The following ABLIM1 variants were observed in gnomAD, a reference collection of about 807,000 sequenced individuals.
ABLIM1 encodes actin-binding LIM protein 1.
In ABLIM1, 40 loss-of-function variants were observed where a neutral mutation model predicts 107.0. That is an observed-to-expected ratio of 0.37 (90% confidence interval 0.29 to 0.49). ABLIM1 has a LOEUF of 0.49. ABLIM1 is among the 20% of genes least tolerant of loss of function. ABLIM1 has a pLI of 0.97. For missense variants in ABLIM1, 857 were observed against 1,008.5 expected (o/e 0.85, Z 2.04); for synonymous variants, 357 against 357.3 (o/e 1.00, Z 0.01).
intron 1 of ABLIM1, among the ~76,000 whole-genome samples, chr10:114,735,380 T>A (rs67774070): frequency 0.15 from 22,256 of 152,160 alleles, 2,057 homozygotes; most frequent in East Asian, 0.45. Flanking sequence ...AATAAAAAAA[T>A]TCTAATTTCT....
intron 1 of ABLIM1, among the ~76,000 whole-genome samples, chr10:114,652,011 G>A (rs1252495890): frequency 6.6e-6 from 1 of 152,296 alleles, no homozygotes; most frequent in East Asian, 1.9e-4. Flanking sequence ...GGGTCTGAGG[G>A]CAGGAACCAC....
At chr10:114,777,587 G>A in the ABLIM1 span, among the ~76,000 whole-genome samples, 1 of 152,166 alleles carries the variant, frequency 6.6e-6, no homozygotes, top group Non-Finnish European at 1.5e-5. Context: ...TGTCTCTTAA[G>A]TACCATGAAA....
chr10:114,755,346 A>G (rs1255432978), intron 1 of ABLIM1, among the ~76,000 whole-genome samples: 1 of 152,238 alleles, frequency 6.6e-6, no homozygotes, highest in Non-Finnish European at 1.5e-5. Flanking sequence ...CCACGAAACC[A>G]GTCCCTGGTG....
rs1212384448 is a variant in ABLIM1 at position 114,445,344 on chromosome 10, G to A, written c.1795C>T (p.Arg599Cys). The change falls in exon 16 of 23, where the codon CGT (arginine) becomes TGT (cysteine). Residue 599 changes from arginine (R) to cysteine (C), a missense_variant. Physicochemically the swap from Arg to Cys is radical, Grantham distance 180. Around this residue, in one of 5 missense-constraint regions of ABLIM1, gnomAD observed 103 missense variants for 101.0 expected, o/e 1.02. Coordinates refer to ENST00000533213, the MANE Select transcript of ABLIM1 (RefSeq NM_002313.7). ...REEDDEELLR[R>C]RQLQEEQLMK... ...AATTGCTCTTCTTGAAGCTGCCGAC[G>A]TCTCAGAAGTTCCTCATCATCTTCC... 24 of 1,613,976 alleles carry A rather than the reference G, an allele frequency of 1.5e-5. No individual in the cohort carries two copies. The highest frequency in any genetic ancestry group is 4.4e-5 in the South Asian group (4 of 91,082).
In ABLIM1 at chr10:114,536,155, A is replaced by G. The variant is rs140020401; in HGVS notation, c.894+8850T>C. Among the ~76,000 whole-genome samples the G allele has an allele frequency of 6.3e-3, 921 of 146,104 alleles. 6 individuals carry two copies. Among genetic ancestry groups the G allele is most frequent in the African/African-American group, 0.021 (824 of 38,782 alleles). On this transcript the variant is annotated intron_variant, in intron 6 of 22. Coordinates refer to ENST00000533213, the MANE Select transcript of ABLIM1 (RefSeq NM_002313.7). The stretch of plus-strand genomic sequence containing the variant: ...ACTGCCTGTCTCTGTGGATTTGCCT[A>G]TTCCACACATTTCATACAAATGGTA...
chr10:114,571,475 C>T (rs1316383056), intron 3 of ABLIM1, 69 bp from the exon 4 acceptor site: 1 of 1,466,490 alleles, frequency 6.8e-7, no homozygotes, highest in Non-Finnish European at 9.5e-7. Context: ...ATTCCTTCTG[C>T]TTGCTGCCCT....
chr10:114,688,981 G>A, upstream of ABLIM1, among the ~76,000 whole-genome samples: 1 of 152,182 alleles, frequency 6.6e-6, no homozygotes, highest in Non-Finnish European at 1.5e-5. Flanking sequence ...GACGTCAGAA[G>A]AATCATTTTT....
intron 6 of ABLIM1, among the ~76,000 whole-genome samples, chr10:114,498,191 A>G (rs78498910): frequency 0.012 from 1,786 of 152,286 alleles, 14 homozygotes; most frequent in Non-Finnish European, 0.019. Flanking sequence ...CTCAGGACAC[A>G]CATCTCAAAA....
At chr10:114,448,090 T>C (rs2061315456) in intron 14 of ABLIM1, 70 bp from the exon 15 acceptor site, 10 of 1,586,170 alleles carry the variant, frequency 6.3e-6, no homozygotes, top group South Asian at 1.1e-5. Context: ...CAACCCCACT[T>C]ACATAGTTTT....
intron 1 of ABLIM1, among the ~76,000 whole-genome samples, chr10:114,710,814 A>G (rs2081532500): frequency 2.0e-5 from 3 of 152,240 alleles, no homozygotes; most frequent in Non-Finnish European, 2.9e-5. Context: ...AGCAATCTTC[A>G]CAGAACACAT....
intron 1 of ABLIM1, among the ~76,000 whole-genome samples, chr10:114,741,226 T>C (rs1346405613): frequency 8.0e-6 from 1 of 125,462 alleles, no homozygotes; most frequent in Non-Finnish European, 1.7e-5. Context: ...CTTTTTTTTT[T>C]TTTTTTTTTT....
the ABLIM1 span, among the ~76,000 whole-genome samples, chr10:114,784,665 C>CAAAAAAAAAAAAAAAAAAAAAAAAA: frequency 1.1e-5 from 1 of 88,000 alleles, no homozygotes; most frequent in Non-Finnish European, 2.1e-5. Context: ...AGACTCACCT[C>CAAAAAAAAAAAAAAAAAAAAAAAAA]AAAAAAAAAA....
the ABLIM1 span, among the ~76,000 whole-genome samples, chr10:114,781,668 A>ATATATATGTG: frequency 2.1e-5 from 1 of 48,022 alleles, no homozygotes; most frequent in Admixed American, 1.5e-4. Flanking sequence ...ATGCGTGTAT[A>ATATATATGTG]TATATATATA....
At position 114,431,993 on chromosome 10, in the gene ABLIM1, ATGCC is replaced by A; in HGVS notation, c.*4263_*4266del. ...AAAAATAAACAGTGATTAAAAAAAAATGCCAAAGTGAAGGTTTCTCTTTCTTCTA... is the reference window on the plus strand; with the variant it reads ...AAAAATAAACAGTGATTAAAAAAAAAAAAGTGAAGGTTTCTCTTTCTTCTA... On this transcript the variant is annotated 3_prime_UTR_variant, in exon 23 of 23. Transcript: ENST00000533213. 1 of 148,554 alleles carries A rather than the reference ATGCC, an allele frequency of 6.7e-6. No homozygotes were observed. The highest frequency in any genetic ancestry group is 1.5e-5 in the Non-Finnish European group (1 of 66,768). 9.2% of individuals were successfully genotyped at this position (148,554 alleles called of 1,614,324 possible).
At chr10:114,795,983 C>T in the ABLIM1 span, among the ~76,000 whole-genome samples, 1 of 152,062 alleles carries the variant, frequency 6.6e-6, no homozygotes, top group Admixed American at 6.6e-5. Flanking sequence ...GTAGTTATTA[C>T]CACCTCCTGA....
At chr10:114,706,874 G>A (rs2081433322) in intron 1 of ABLIM1, among the ~76,000 whole-genome samples, 1 of 151,696 alleles carries the variant, frequency 6.6e-6, no homozygotes, top group African/African-American at 2.4e-5. Context: ...AAAAAATTCA[G>A]CCCTGCCCAG....
At chr10:114,674,681 A>T (rs1212714457) in intron 1 of ABLIM1, among the ~76,000 whole-genome samples, 1 of 151,562 alleles carries the variant, frequency 6.6e-6, no homozygotes, top group African/African-American at 2.4e-5. Context: ...GACTCAAAAG[A>T]TCTGAGCTAT....
At chr10:114,470,421 C>CAAAAA (rs10608392) in intron 10 of ABLIM1, among the ~76,000 whole-genome samples, 1 of 88,924 alleles carries the variant, frequency 1.1e-5, no homozygotes, top group Non-Finnish European at 2.2e-5. Context: ...GACTCCACCT[C>CAAAAA]AAAAAAAAAA....
intron 4 of ABLIM1, among the ~76,000 whole-genome samples, chr10:114,567,821 A>T (rs2070981413): frequency 6.6e-6 from 1 of 152,234 alleles, no homozygotes; most frequent in African/African-American, 2.4e-5. Flanking sequence ...AAGGAGAAAG[A>T]GGACCTTGGC....
Sources: allele counts gnomAD v4.1 joint callset (sites outside exome capture counted in the v4.1 genomes callset), GRCh38; gene constraint gnomAD v4.1.1; regional missense constraint gnomAD v4.1.1; transcripts MANE v1.5; gene names NCBI Gene and HGNC (gene_info 2026-07-23, HGNC 2026-07-21).